The following ANK3 variants were observed in gnomAD, a reference collection of about 807,000 sequenced individuals.
The protein encoded by ANK3 is ankyrin 3.
A neutral mutation model predicts 370.9 loss-of-function variants in ANK3; 57 were observed. That is an observed-to-expected ratio of 0.15 (90% CI 0.12 to 0.19). The LOEUF (loss-of-function observed/expected upper bound fraction) is 0.19. Ranked by LOEUF, ANK3 falls within the 10% of genes least tolerant of loss-of-function variation. ANK3 has a pLI of 1.00. For missense variants in ANK3, 4,439 were observed against 5,302.1 expected (o/e 0.84, Z 5.06); for synonymous variants, 1,929 against 1,946.3 (o/e 0.99, Z 0.23).
intron 2 of ANK3, among the ~76,000 whole-genome samples, chr10:60,399,673 C>T (rs2063315357): frequency 6.6e-6 from 1 of 152,182 alleles, no homozygotes; most frequent in Non-Finnish European, 1.5e-5. Context: ...CCCAGTGCTT[C>T]CGCCGGCACA....
At chr10:60,125,279 A>T (rs1343593352) in intron 25 of ANK3, among the ~76,000 whole-genome samples, 1 of 152,204 alleles carries the variant, frequency 6.6e-6, no homozygotes, top group African/African-American at 2.4e-5. Context: ...ATTTCAAGAC[A>T]ATCTGGTTAT....
At chr10:60,130,894 G>T (rs775627884) in intron 25 of ANK3, among the ~76,000 whole-genome samples, 4 of 152,030 alleles carry the variant, frequency 2.6e-5, no homozygotes, top group Non-Finnish European at 5.9e-5. Context: ...CTTCCTCCAA[G>T]TTACTATTTT....
chr10:60,140,631 A>G, intron 23 of ANK3: 1 of 1,396,900 alleles, frequency 7.2e-7, no homozygotes, highest in Non-Finnish European at 9.3e-7. Flanking sequence ...CACTTAATTG[A>G]GGTTAAGATC....
rs1051107108 is a variant in ANK3 at position 60,187,055 on chromosome 10, C to T, written c.1888-143G>A. ...GATTAAGTAAGCAAATACTGGTAAACCAAGTGGTACATGAATATAGTGCCC... is the reference window on the plus strand; with the variant it reads ...GATTAAGTAAGCAAATACTGGTAAATCAAGTGGTACATGAATATAGTGCCC... On this transcript the variant is annotated intron_variant, in intron 16 of 43. Transcript: ENST00000280772. The T allele has an allele frequency of 8.0e-6, 6 of 746,834 alleles. No homozygotes were observed. The African/African-American group carries it at 8.7e-5, about 11-fold the overall frequency. The allele number at this position is 746,834 out of a possible 1,614,324, so 46.3% of individuals were successfully genotyped here. A position where few individuals can be genotyped will look rare whatever the true frequency, so the allele number is the denominator to read the frequency against.
chr10:60,538,663 T>C (rs1000103025), intron 2 of ANK3, among the ~76,000 whole-genome samples: 3 of 151,920 alleles, frequency 2.0e-5, no homozygotes, highest in Admixed American at 6.6e-5. Flanking sequence ...ACATTTAACA[T>C]ACACCATGGT....
At chr10:60,274,925 G>A (rs1002463054) in intron 4 of ANK3, among the ~76,000 whole-genome samples, 5 of 152,222 alleles carry the variant, frequency 3.3e-5, no homozygotes, top group East Asian at 1.9e-4. Flanking sequence ...TGGAAAGAGC[G>A]AATAAAAATA....
intron 2 of ANK3, among the ~76,000 whole-genome samples, chr10:60,592,719 A>T (rs1460052272): frequency 6.6e-6 from 1 of 152,174 alleles, no homozygotes; most frequent in African/African-American, 2.4e-5. Context: ...AGCTGAGATC[A>T]CGCCACTGTA....
At chr10:60,038,543 TAA>T (rs2075531262) in intron 43 of ANK3, among the ~76,000 whole-genome samples, 1 of 152,122 alleles carries the variant, frequency 6.6e-6, no homozygotes, top group Non-Finnish European at 1.5e-5. Context: ...ATCAACAGAA[TAA>T]AGAGATAACC....
At chr10:60,685,187 T>G (rs2079251576) in intron 1 of ANK3, 1 of 448,718 alleles carries the variant, frequency 2.2e-6, no homozygotes, top group Non-Finnish European at 4.2e-6. Context: ...TGGATGCTAT[T>G]AAAGCTTTGT....
intron 7 of ANK3, among the ~76,000 whole-genome samples, chr10:60,238,703 A>C (rs2097371527): frequency 6.6e-6 from 1 of 152,134 alleles, no homozygotes. Context: ...CCCCAAGCAG[A>C]AAGCAATGGC....
chr10:60,465,770 CTTTTTCTTT>C (rs1489308203), intron 2 of ANK3, among the ~76,000 whole-genome samples: 1 of 137,642 alleles, frequency 7.3e-6, no homozygotes. Context: ...GAATAGTTTT[CTTTTTCTTT>C]TTTTTCTTTC....
chr10:60,382,774 C>T (rs1022485287), intron 1 of ANK3, among the ~76,000 whole-genome samples: 16 of 138,506 alleles, frequency 1.2e-4, no homozygotes, highest in African/African-American at 2.1e-4. Flanking sequence ...TATTCTCCTT[C>T]GATATTTAAC....
chr10:60,121,016 T>C (rs1381851042), intron 25 of ANK3, among the ~76,000 whole-genome samples: 1 of 152,166 alleles, frequency 6.6e-6, no homozygotes, highest in Non-Finnish European at 1.5e-5. Context: ...CCCATGTTTA[T>C]TGCAGCACTA....
At chr10:60,523,313 A>C in intron 2 of ANK3, among the ~76,000 whole-genome samples, 1 of 151,860 alleles carries the variant, frequency 6.6e-6, no homozygotes, top group East Asian at 1.9e-4. Context: ...ATAGGTATAC[A>C]TGTGCCATGT....
chr10:60,667,352 C>T (rs1325260610), intron 1 of ANK3, among the ~76,000 whole-genome samples: 1 of 151,136 alleles, frequency 6.6e-6, no homozygotes, highest in Non-Finnish European at 1.5e-5. Flanking sequence ...GTCTAAGGAA[C>T]CAAAAAAGAA....
chr10:60,153,068 A>AG (rs2095206640), intron 23 of ANK3, among the ~76,000 whole-genome samples: 1 of 152,226 alleles, frequency 6.6e-6, no homozygotes, highest in East Asian at 1.9e-4. Context: ...AACAACCCAC[A>AG]TTCTCATCAA....
chr10:60,324,792 A>C (rs2049436562), intron 1 of ANK3, among the ~76,000 whole-genome samples: 1 of 152,186 alleles, frequency 6.6e-6, no homozygotes, highest in Non-Finnish European at 1.5e-5. Flanking sequence ...TAAAAATATA[A>C]GGTCATTGAG....
chr10:60,706,217 C>T (rs1191055083), intron 1 of ANK3, among the ~76,000 whole-genome samples: 1 of 152,152 alleles, frequency 6.6e-6, no homozygotes, highest in Non-Finnish European at 1.5e-5. Context: ...GTAAAGTTCC[C>T]CTTGATCAAA....
rs751241885 is a variant in ANK3, at chr10:60,263,866, T to C, written c.668A>G (p.Gln223Arg). Residue 223 changes from glutamine to arginine, a missense_variant, in exon 6 of 44, where the codon CAG becomes CGG. This residue lies in a region of ANK3 where 136 missense variants were observed against 230.5 expected (regional missense o/e 0.59). Coordinates refer to ENST00000280772, the MANE Select transcript of ANK3 (RefSeq NM_020987.5). ...TTCCACATCTGCATTGTTGTCATTC[T>C]GCAGCAGCAGGGCGGCGGCTTTCGT... ...DDTKAAALLL[Q>R]NDNNADVESK... 6.2e-7 allele frequency: 1 copy of C among 1,614,154 alleles called. No homozygotes were observed. Among genetic ancestry groups the C allele is most frequent in the South Asian group, 1.1e-5 (1 of 91,078 alleles).
Sources: gnomAD v4.1 joint callset for allele counts (sites outside exome capture counted in the v4.1 genomes callset) on GRCh38, gnomAD v4.1.1 for gene constraint, gnomAD v4.1.1 regional missense constraint, MANE v1.5 for transcripts, NCBI Gene and HGNC (gene_info 2026-07-23, HGNC 2026-07-21) for gene names.